Variants in SGCG observed in about 807,000 individuals in gnomAD.
SGCG encodes the protein sarcoglycan gamma.
In SGCG, 26 loss-of-function variants were observed where a neutral mutation model predicts 29.3. The observed-to-expected ratio is 0.89, with a 90% CI of 0.65 to 1.23. SGCG has a LOEUF of 1.23. Among genes scored for constraint, SGCG ranks in the 50% most tolerant of loss-of-function variants. The probability of loss-of-function intolerance (pLI) is 0.00; values close to 1 mark genes in which losing one functional copy is unlikely to be tolerated. For missense variants in SGCG, 353 were observed against 356.0 expected (o/e 0.99, Z 0.07); for synonymous variants, 145 against 129.7 (o/e 1.12, Z -0.80).
intron 2 of SGCG, among the ~76,000 whole-genome samples, chr13:23,221,195 C>T (rs944967350): frequency 1.3e-5 from 2 of 151,946 alleles, no homozygotes; most frequent in Non-Finnish European, 2.9e-5. Context: ...CCAGAAGTGA[C>T]TAAAAACACG....
At chr13:23,193,766 G>T (rs759080566) in intron 1 of SGCG, among the ~76,000 whole-genome samples, 1 of 152,110 alleles carries the variant, frequency 6.6e-6, no homozygotes, top group Non-Finnish European at 1.5e-5. Flanking sequence ...ATATAAATTT[G>T]GGAACCATCA....
chr13:23,250,862 G>A, intron 4 of SGCG, 145 bp downstream of exon 4: 1 of 705,694 alleles, frequency 1.4e-6, no homozygotes, highest in Non-Finnish European at 2.6e-6. Flanking sequence ...GTTGACCACA[G>A]ACTAGCACCA....
chr13:23,193,439 G>A (rs1181586790), intron 1 of SGCG, among the ~76,000 whole-genome samples: 1 of 152,160 alleles, frequency 6.6e-6, no homozygotes, highest in African/African-American at 2.4e-5. Flanking sequence ...AGTGGAGCAG[G>A]GGCAGTGCAG....
At chr13:23,314,430 G>GAT (rs1882729836) in intron 6 of SGCG, among the ~76,000 whole-genome samples, 1 of 80,410 alleles carries the variant, frequency 1.2e-5, no homozygotes, top group Non-Finnish European at 2.4e-5. Flanking sequence ...TCCCTAATAA[G>GAT]ATATGTATAT....
At chr13:23,295,352 T>G in intron 5 of SGCG, 63 bp from the exon 6 acceptor site, 1 of 1,225,574 alleles carries the variant, frequency 8.2e-7, no homozygotes, top group Non-Finnish European at 1.2e-6. Flanking sequence ...AGGCTAAATG[T>G]TTATTTTGTT....
intron 6 of SGCG, among the ~76,000 whole-genome samples, chr13:23,306,795 G>A (rs1882376694): frequency 6.6e-6 from 1 of 152,084 alleles, no homozygotes; most frequent in Non-Finnish European, 1.5e-5. Flanking sequence ...AGAAAAAAAA[G>A]TACATATCAT....
At chr13:23,187,549 AC>A (rs1877037877) in intron 1 of SGCG, among the ~76,000 whole-genome samples, 1 of 152,102 alleles carries the variant, frequency 6.6e-6, no homozygotes. Flanking sequence ...TGTGGATTGC[AC>A]CCACAGAGGC....
chr13:23,284,598 T>G (rs200340706), intron 5 of SGCG, among the ~76,000 whole-genome samples: 1 of 152,240 alleles, frequency 6.6e-6, no homozygotes, highest in Non-Finnish European at 1.5e-5. Context: ...TTCTGAAGCC[T>G]ACTTCTGTTC....
intron 3 of SGCG, among the ~76,000 whole-genome samples, chr13:23,242,070 A>G (rs998898870): frequency 6.6e-6 from 1 of 152,238 alleles, no homozygotes; most frequent in African/African-American, 2.4e-5. Flanking sequence ...CAAATTATCA[A>G]TATCAGTGAT....
upstream of SGCG, among the ~76,000 whole-genome samples, chr13:23,179,912 G>A (rs568042513): frequency 5.3e-4 from 80 of 152,230 alleles, no homozygotes; most frequent in Middle Eastern, 3.4e-3. Context: ...GGGTACATGT[G>A]CAGGTTTGTT....
chr13:23,301,752 A>C (rs996504625), intron 6 of SGCG, among the ~76,000 whole-genome samples: 2 of 151,976 alleles, frequency 1.3e-5, no homozygotes, highest in African/African-American at 2.4e-5. Context: ...CCAGGCATAC[A>C]TAGTGGTGCA....
chr13:23,163,504 G>T, the SGCG span, among the ~76,000 whole-genome samples: 2 of 152,100 alleles, frequency 1.3e-5, no homozygotes, highest in African/African-American at 4.8e-5. Context: ...CCCAGTTCTG[G>T]ACCCCTGAGT....
chr13:23,194,506 C>G (rs1207838484), intron 1 of SGCG, among the ~76,000 whole-genome samples: 1 of 152,194 alleles, frequency 6.6e-6, no homozygotes, highest in African/African-American at 2.4e-5. Context: ...TTCTTTCATT[C>G]TTCCTGATTT....
chr13:23,232,717 G>A (rs1879157814), intron 2 of SGCG, among the ~76,000 whole-genome samples: 1 of 152,148 alleles, frequency 6.6e-6, no homozygotes, highest in Non-Finnish European at 1.5e-5. Context: ...AGGAGGCGGA[G>A]CTTGCAGTGA....
intron 6 of SGCG, among the ~76,000 whole-genome samples, chr13:23,309,638 G>T (rs1407057462): frequency 6.6e-6 from 1 of 152,098 alleles, no homozygotes; most frequent in African/African-American, 2.4e-5. Flanking sequence ...GTCTGCTATA[G>T]GTTTTTGGTA....
Position 23,276,724 on chromosome 13 carries a change from C to T in SGCG, c.386-2635C>T, listed in dbSNP as rs76665706. On this transcript the variant is annotated intron_variant, in intron 4 of 7. Transcript: ENST00000218867. Reference sequence around the variant, plus strand: ...TGCTGGGATTACAGGCGTAAGCCACCGCGCCCAGCAGGAAGCATGAACTCT... The same window carrying T: ...TGCTGGGATTACAGGCGTAAGCCACTGCGCCCAGCAGGAAGCATGAACTCT... Among the ~76,000 whole-genome samples, 967 of 152,306 alleles carry T rather than the reference C, an allele frequency of 6.3e-3. 7 individuals carry two copies. Among genetic ancestry groups the T allele is most frequent in the African/African-American group, 0.022 (935 of 41,568 alleles).
the SGCG span, among the ~76,000 whole-genome samples, chr13:23,173,441 G>A: frequency 6.6e-5 from 10 of 152,132 alleles, no homozygotes; most frequent in African/African-American, 2.4e-4. Context: ...GAGAAGGAGT[G>A]TTTCTTACAC....
the SGCG span, among the ~76,000 whole-genome samples, chr13:23,162,364 C>G: frequency 6.6e-6 from 1 of 152,236 alleles, no homozygotes; most frequent in African/African-American, 2.4e-5. Flanking sequence ...CCTGTAATCC[C>G]AGACCTTTGG....
intron 4 of SGCG, among the ~76,000 whole-genome samples, chr13:23,260,084 A>T (rs1880365381): frequency 6.6e-6 from 1 of 152,186 alleles, no homozygotes; most frequent in Non-Finnish European, 1.5e-5. Flanking sequence ...GCTGAGTTCA[A>T]GTCCTGGATA....
Sources: allele counts gnomAD v4.1 joint callset (sites outside exome capture counted in the v4.1 genomes callset), GRCh38; gene constraint gnomAD v4.1.1; transcripts MANE v1.5; gene names NCBI Gene and HGNC (gene_info 2026-07-23, HGNC 2026-07-21).